ARSG: variants seen among roughly 807,000 people sequenced by gnomAD.
ARSG encodes the protein ASG.
Under a neutral mutation model 50.5 loss-of-function variants are expected in ARSG, and 37 were observed. The ratio of observed to expected loss-of-function variants is 0.73; its 90% CI spans 0.56 to 0.96. The LOEUF (loss-of-function observed/expected upper bound fraction) is 0.96. ARSG is among the 50% of genes least tolerant of loss of function. ARSG has a pLI of 0.00. For missense variants in ARSG, 629 were observed against 675.3 expected (o/e 0.93, Z 0.76); for synonymous variants, 225 against 254.6 (o/e 0.88, Z 1.11).
At chr17:68,267,695 C>T (rs1203704179) in intron 1 of ARSG, 1 of 152,110 alleles carries the variant, frequency 6.6e-6, no homozygotes, top group Non-Finnish European at 1.5e-5. Context: ...GACACTTGCC[C>T]TCCTTACAGA....
the ARSG span, chr17:68,444,714 T>C: frequency 2.8e-6 from 2 of 704,214 alleles, no homozygotes; most frequent in African/African-American, 3.6e-5. Flanking sequence ...ATTTTGATGA[T>C]GCATTTTGAA....
At chr17:68,301,551 C>T (rs1043733213) in intron 1 of ARSG, among the ~76,000 whole-genome samples, 4 of 152,176 alleles carry the variant, frequency 2.6e-5, no homozygotes, top group Non-Finnish European at 5.9e-5. Context: ...CCTGGACTCA[C>T]CTGGACCCAT....
downstream of ARSG, chr17:68,424,520 T>G (rs761495041): frequency 1.9e-6 from 1 of 534,186 alleles, no homozygotes. Flanking sequence ...TGGACATTGT[T>G]TCAGTGCCCA....
At chr17:68,344,274 C>T (rs1255604581) in intron 3 of ARSG, among the ~76,000 whole-genome samples, 5 of 152,212 alleles carry the variant, frequency 3.3e-5, no homozygotes, top group Non-Finnish European at 7.3e-5. Context: ...TTGGCCACGC[C>T]TCACTGCTGC....
the ARSG span, among the ~76,000 whole-genome samples, chr17:68,432,837 T>G: frequency 6.6e-6 from 1 of 152,230 alleles, no homozygotes; most frequent in Non-Finnish European, 1.5e-5. Context: ...CACTGGGGGC[T>G]GCTCCTTTCT....
At chr17:68,280,601 T>G (rs2075663030) in intron 1 of ARSG, among the ~76,000 whole-genome samples, 2 of 152,174 alleles carry the variant, frequency 1.3e-5, no homozygotes, top group African/African-American at 4.8e-5. Context: ...ACAATGAAAC[T>G]AAATCCCCAC....
downstream of ARSG, chr17:68,427,298 C>T (rs201909131): frequency 6.9e-7 from 1 of 1,440,986 alleles, no homozygotes; most frequent in East Asian, 2.3e-5. Context: ...AAGAAATCAT[C>T]ATATATCTAG....
At chr17:68,442,993 C>A in the ARSG span, among the ~76,000 whole-genome samples, 1 of 152,252 alleles carries the variant, frequency 6.6e-6, no homozygotes. Context: ...AAACTTACCA[C>A]CCACAGCTTC....
chr17:68,324,316 GC>G (rs2145900953), intron 2 of ARSG, among the ~76,000 whole-genome samples: 1 of 152,244 alleles, frequency 6.6e-6, no homozygotes, highest in African/African-American at 2.4e-5. Flanking sequence ...GGGCATTCCT[GC>G]CTCTTTCTTG....
At chr17:68,430,191 C>G in the ARSG span, 3 of 1,592,420 alleles carry the variant, frequency 1.9e-6, no homozygotes, top group African/African-American at 2.7e-5. Context: ...AACGATGGGA[C>G]TGGGCTGCAG....
intron 9 of ARSG, among the ~76,000 whole-genome samples, chr17:68,389,994 CT>C (rs1203208840): frequency 6.6e-6 from 1 of 151,890 alleles, no homozygotes; most frequent in East Asian, 1.9e-4. Flanking sequence ...TTCTTTCTTT[CT>C]TTCTTTTTTT....
the ARSG span, among the ~76,000 whole-genome samples, chr17:68,446,656 G>A: frequency 6.6e-6 from 1 of 152,188 alleles, no homozygotes; most frequent in Admixed American, 6.5e-5. Flanking sequence ...TTAGAACTAC[G>A]TGGTTCTATG....
chr17:68,449,186 T>C, the ARSG span, among the ~76,000 whole-genome samples: 178 of 152,360 alleles, frequency 1.2e-3, 1 homozygote, highest in African/African-American at 4.1e-3. Flanking sequence ...ATTGAATAGA[T>C]AAATCTGCAT....
At chr17:68,307,825 A>G in intron 2 of ARSG, 114 bp downstream of exon 2, 1 of 635,922 alleles carries the variant, frequency 1.6e-6, no homozygotes. Flanking sequence ...ATGCTGATTT[A>G]GTTAATTTAT....
intron 11 of ARSG, among the ~76,000 whole-genome samples, chr17:68,414,550 A>G (rs947411359): frequency 4.6e-5 from 7 of 152,146 alleles, no homozygotes; most frequent in African/African-American, 1.7e-4. Context: ...TCATAGAATG[A>G]ATTAGGGAGG....
At chr17:68,433,777 T>TTTTTTTTTG in the ARSG span, among the ~76,000 whole-genome samples, 1 of 63,616 alleles carries the variant, frequency 1.6e-5, no homozygotes, top group Non-Finnish European at 4.0e-5. Flanking sequence ...TTTTTTTTTT[T>TTTTTTTTTG]TTTTTTTTTT....
At chr17:68,312,903 T>C (rs2076922358) in intron 2 of ARSG, among the ~76,000 whole-genome samples, 1 of 152,094 alleles carries the variant, frequency 6.6e-6, no homozygotes, top group Non-Finnish European at 1.5e-5. Context: ...TGCCTCCTTT[T>C]TATTTGTGCA....
Position 68,351,687 on chromosome 17 carries a change from GTAATGC to G in ARSG, c.566+3_566+8del, listed in dbSNP as rs780102540. 4.4e-6 allele frequency: 7 copies of G among 1,599,918 alleles called. No homozygotes were observed. The East Asian group carries it at 1.3e-4, about 31-fold the overall frequency. The stretch of plus-strand genomic sequence containing the variant: ...GTCCACAGGGTGATGGACCATCAAG[GTAATGC>G]TGTCTGACACATTTGCGATAGGCTC... On this transcript the variant is annotated splice_donor_variant and splice_donor_5th_base_variant and intron_variant, in intron 5 of 11. Coordinates refer to ENST00000621439, the MANE Select transcript of ARSG (RefSeq NM_001267727.2). LOFTEE classifies it high-confidence loss of function.
rs782542140 is a variant in ARSG, at chr17:68,307,710, A to G, written c.217A>G (p.Arg73Gly). 2 of 1,539,088 alleles carry G rather than the reference A, an allele frequency of 1.3e-6. No individual in the cohort carries two copies. The highest frequency in any genetic ancestry group is 3.3e-5 in the Admixed American group (2 of 59,896). ...TGATAAGATGGCTTCGGAGGGAATG[A>G]GGTGAGTCTTGAGATGCCAGGCCAG... ...NLDKMASEGM[R>G]FVDFHAAAST... The change falls in exon 2 of 12, where the codon AGG (arginine) becomes GGG (glycine). Residue 73 changes from arginine to glycine, a missense_variant and splice_region_variant. Transcript: ENST00000621439.
Sources: allele counts gnomAD v4.1 joint callset (sites outside exome capture counted in the v4.1 genomes callset), GRCh38; gene constraint gnomAD v4.1.1; transcripts MANE v1.5; gene names NCBI Gene and HGNC (gene_info 2026-07-23, HGNC 2026-07-21).